The following VEPH1 variants were observed in gnomAD, a reference collection of about 807,000 sequenced individuals.
The protein encoded by VEPH1 is ventricular zone-expressed PH domain-containing protein homolog 1.
A neutral mutation model predicts 85.2 loss-of-function variants in VEPH1; 80 were observed. That is an observed-to-expected ratio of 0.94 (90% CI 0.78 to 1.13). The LOEUF is 1.13. Ranked by LOEUF, VEPH1 falls within the 50% of genes most tolerant of loss-of-function variation. VEPH1 has a pLI of 0.00. For synonymous variants in VEPH1, 297 were observed against 348.0 expected (o/e 0.85, Z 1.63); for missense variants, 955 against 980.5 (o/e 0.97, Z 0.35).
chr3:157,384,732 C>G (rs1039731247), intron 6 of VEPH1, among the ~76,000 whole-genome samples: 1 of 152,124 alleles, frequency 6.6e-6, no homozygotes, highest in African/African-American at 2.4e-5. Context: ...TGTTCTGAAA[C>G]CTTGGAGCAC....
intron 13 of VEPH1, among the ~76,000 whole-genome samples, chr3:157,263,713 C>CA (rs1713225944): frequency 6.6e-6 from 1 of 152,080 alleles, no homozygotes. Flanking sequence ...GTAGGTATCA[C>CA]AAAAAATATT....
At position 157,313,691 on chromosome 3, in the gene VEPH1, T is replaced by C; in HGVS notation, c.1940A>G (p.Glu647Gly). The change falls in exon 11 of 14, where the codon GAG (glutamate) becomes GGG (glycine). Residue 647 changes from glutamate to glycine, a missense_variant. Coordinates refer to ENST00000362010, the MANE Select transcript of VEPH1 (RefSeq NM_001167912.2). Reference sequence around the variant, plus strand: ...GTGAGCACCCCCTGCCTGGGTCTTCTCCCACAGAGCTCTGAGGAATTGCAC... The same window carrying C: ...GTGAGCACCCCCTGCCTGGGTCTTCCCCCACAGAGCTCTGAGGAATTGCAC... ...HSVQFLRALW[E>G]KTQAGGAHSF... 1 of 1,614,082 alleles carries C rather than the reference T, an allele frequency of 6.2e-7. No homozygotes were observed. Among genetic ancestry groups the C allele is most frequent in the Non-Finnish European group, 8.5e-7 (1 of 1,180,006 alleles).
At chr3:157,492,081 A>C (rs1739258744) in intron 2 of VEPH1, among the ~76,000 whole-genome samples, 2 of 152,134 alleles carry the variant, frequency 1.3e-5, no homozygotes, top group Admixed American at 1.3e-4. Flanking sequence ...TAAACCAATA[A>C]AGTCCACTCA....
At chr3:157,396,292 A>G (rs950817485) in intron 6 of VEPH1, among the ~76,000 whole-genome samples, 24 of 152,206 alleles carry the variant, frequency 1.6e-4, no homozygotes, top group Non-Finnish European at 2.5e-4. Flanking sequence ...ATGGCTGAAT[A>G]CTATTCCATG....
chr3:157,448,085 C>T (rs1467061057), intron 4 of VEPH1, among the ~76,000 whole-genome samples: 1 of 151,578 alleles, frequency 6.6e-6, no homozygotes, highest in Admixed American at 6.6e-5. Context: ...TCCTATATCA[C>T]ATATATTATA....
chr3:157,496,427 A>G (rs1739671034), intron 1 of VEPH1, among the ~76,000 whole-genome samples: 1 of 152,224 alleles, frequency 6.6e-6, no homozygotes, highest in South Asian at 2.1e-4. Context: ...AGGCCCCATA[A>G]TAGCTGTGGC....
At chr3:157,500,260 G>C (rs541956891) in intron 1 of VEPH1, among the ~76,000 whole-genome samples, 46 of 152,288 alleles carry the variant, frequency 3.0e-4, no homozygotes, top group African/African-American at 1.1e-3. Flanking sequence ...AAAAAGCAAG[G>C]TTTTTAAGAC....
chr3:157,431,694 T>G (rs2109139394), intron 4 of VEPH1, among the ~76,000 whole-genome samples: 1 of 152,198 alleles, frequency 6.6e-6, no homozygotes, highest in East Asian at 1.9e-4. Context: ...ACCAGCAGCA[T>G]GAGTGTTTCT....
chr3:157,389,644 TAGATAGATA>T (rs1181210740), intron 6 of VEPH1, among the ~76,000 whole-genome samples: 1 of 132,416 alleles, frequency 7.6e-6, no homozygotes, highest in African/African-American at 3.2e-5. Flanking sequence ...GATAGATAGA[TAGATAGATA>T]GATAGATAGA....
At chr3:157,275,567 T>C (rs112546207) in intron 12 of VEPH1, among the ~76,000 whole-genome samples, 6,063 of 149,250 alleles carry the variant, frequency 0.041, 154 homozygotes, top group South Asian at 0.11. Flanking sequence ...ACAGGGACAC[T>C]CCATTTCAAA....
intron 6 of VEPH1, among the ~76,000 whole-genome samples, chr3:157,386,270 A>AAAT (rs1481963209): frequency 6.6e-6 from 1 of 150,814 alleles, no homozygotes; most frequent in African/African-American, 2.4e-5. Flanking sequence ...AAAAAAAAAA[A>AAAT]AAAAGTGGTT....
At chr3:157,418,225 T>C (rs1202557343) in intron 5 of VEPH1, among the ~76,000 whole-genome samples, 1 of 152,182 alleles carries the variant, frequency 6.6e-6, no homozygotes, top group Admixed American at 6.5e-5. Context: ...CAGAATGCTC[T>C]AAACCAAGTA....
chr3:157,424,716 T>C (rs938095783), intron 5 of VEPH1, among the ~76,000 whole-genome samples: 3 of 152,120 alleles, frequency 2.0e-5, no homozygotes, highest in African/African-American at 7.2e-5. Flanking sequence ...TTGAGAGAGA[T>C]TATTAAGGGT....
chr3:157,498,792 AG>A (rs1220807945), intron 1 of VEPH1, among the ~76,000 whole-genome samples: 1 of 152,206 alleles, frequency 6.6e-6, no homozygotes, highest in Non-Finnish European at 1.5e-5. Context: ...GGAAGGTCAA[AG>A]CCAGATCAAA....
At chr3:157,275,150 A>ATTT (rs1391926846) in intron 12 of VEPH1, among the ~76,000 whole-genome samples, 3 of 152,318 alleles carry the variant, frequency 2.0e-5, no homozygotes, top group Admixed American at 2.0e-4. Flanking sequence ...TCTTGAAAGT[A>ATTT]TTGCACTGTG....
At chr3:157,419,870 T>C (rs1048867678) in intron 5 of VEPH1, among the ~76,000 whole-genome samples, 6 of 152,134 alleles carry the variant, frequency 3.9e-5, no homozygotes, top group African/African-American at 1.2e-4. Flanking sequence ...GATACTTGCA[T>C]GCATATGTTC....
intron 7 of VEPH1, among the ~76,000 whole-genome samples, chr3:157,367,639 T>C (rs1301296383): frequency 6.6e-6 from 1 of 152,196 alleles, no homozygotes; most frequent in Non-Finnish European, 1.5e-5. Flanking sequence ...AAAATGTAAG[T>C]ATTAGATATT....
intron 4 of VEPH1, among the ~76,000 whole-genome samples, chr3:157,458,572 T>A (rs1735567565): frequency 6.6e-6 from 1 of 152,242 alleles, no homozygotes; most frequent in African/African-American, 2.4e-5. Flanking sequence ...ATTCTGTAGG[T>A]TGTCTGTTGA....
intron 12 of VEPH1, among the ~76,000 whole-genome samples, chr3:157,272,354 CTCTTTCTTTCTTTCTCTTTCTTTTCTT>C: frequency 7.0e-6 from 1 of 142,298 alleles, no homozygotes; most frequent in East Asian, 2.0e-4. Context: ...CTTTTTCTCT[CTCTTTCTTTCTTTCTCTTTCTTTTCTT>C]TCTTTCTTTC....
Sources: allele counts gnomAD v4.1 joint callset (sites outside exome capture counted in the v4.1 genomes callset), GRCh38; gene constraint gnomAD v4.1.1; transcripts MANE v1.5; gene names NCBI Gene and HGNC (gene_info 2026-07-23, HGNC 2026-07-21).